The following BMPR1B variants were observed in gnomAD, a reference collection of about 807,000 sequenced individuals.
BMPR1B encodes bone morphogenetic protein receptor type-1B.
BMPR1B carries 12 observed loss-of-function variants against 59.1 expected under a neutral mutation model. That is an observed-to-expected ratio of 0.20 (90% CI 0.13 to 0.33). BMPR1B has a LOEUF of 0.33. BMPR1B is among the 10% of genes least tolerant of loss of function. The probability of loss-of-function intolerance (pLI) is 1.00; values close to 1 mark genes in which losing one functional copy is unlikely to be tolerated. For missense variants in BMPR1B, 550 were observed against 610.9 expected (o/e 0.90, Z 1.05); for synonymous variants, 237 against 207.3 (o/e 1.14, Z -1.23).
At chr4:94,965,927 CA>C (rs1730540857) in intron 2 of BMPR1B, among the ~76,000 whole-genome samples, 1 of 152,090 alleles carries the variant, frequency 6.6e-6, no homozygotes, top group Admixed American at 6.5e-5. Context: ...GACAAGGAAA[CA>C]TTGGAAAGCA....
chr4:94,988,559 T>C (rs538706218), intron 2 of BMPR1B, among the ~76,000 whole-genome samples: 1 of 152,352 alleles, frequency 6.6e-6, no homozygotes, highest in East Asian at 1.9e-4. Context: ...CATTCTTTGC[T>C]ATGGTTTCCG....
intron 1 of BMPR1B, among the ~76,000 whole-genome samples, chr4:94,864,958 A>G (rs1026318314): frequency 2.6e-5 from 4 of 152,262 alleles, no homozygotes; most frequent in African/African-American, 9.6e-5. Flanking sequence ...TAGAAATGAT[A>G]CACCTGAATG....
At position 94,970,141 on chromosome 4, in the gene BMPR1B, A is replaced by G. The variant is rs76640595; in HGVS notation, c.-112-25899A>G. Among the ~76,000 whole-genome samples, 1,494 of 152,320 alleles carry G rather than the reference A, an allele frequency of 9.8e-3. 12 individuals are homozygous for G. Among genetic ancestry groups the G allele is most frequent in the Non-Finnish European group, 0.015 (1,039 of 68,030 alleles). On this transcript the variant is annotated intron_variant, in intron 2 of 12. Coordinates refer to ENST00000515059, the MANE Select transcript of BMPR1B (RefSeq NM_001203.3). ...TGTTTAGTAGTTTACTCTGACAATAATTCAGCATCTTAAAGTGCTAGGATA... is the reference window on the plus strand; with the variant it reads ...TGTTTAGTAGTTTACTCTGACAATAGTTCAGCATCTTAAAGTGCTAGGATA...
At chr4:94,807,052 T>C (rs1251979222) in intron 1 of BMPR1B, among the ~76,000 whole-genome samples, 1 of 152,166 alleles carries the variant, frequency 6.6e-6, no homozygotes, top group African/African-American at 2.4e-5. Context: ...TAATCAGATT[T>C]GATATAAAAA....
At chr4:94,908,666 G>A (rs540878220) in intron 2 of BMPR1B, among the ~76,000 whole-genome samples, 4 of 151,570 alleles carry the variant, frequency 2.6e-5, no homozygotes, top group African/African-American at 4.9e-5. Flanking sequence ...TCAAATACTC[G>A]GTCATGAAGA....
intron 1 of BMPR1B, among the ~76,000 whole-genome samples, chr4:94,770,540 A>G (rs373978805): frequency 3.9e-5 from 6 of 152,194 alleles, no homozygotes; most frequent in African/African-American, 1.4e-4. Flanking sequence ...GAGATCTTGT[A>G]GGTTAGCCCA....
intron 2 of BMPR1B, among the ~76,000 whole-genome samples, chr4:94,949,323 T>A (rs1347990149): frequency 1.4e-3 from 55 of 40,674 alleles, no homozygotes; most frequent in South Asian, 5.1e-3. Context: ...TTTTTTTTTT[T>A]TTTTGAGACG....
intron 2 of BMPR1B, among the ~76,000 whole-genome samples, chr4:94,946,976 G>A (rs916252971): frequency 7.9e-5 from 12 of 152,002 alleles, no homozygotes; most frequent in South Asian, 2.1e-4. Context: ...CGCCTGAACC[G>A]GGGAGGCAGA....
chr4:95,009,239 T>C (rs917488439), intron 3 of BMPR1B, among the ~76,000 whole-genome samples: 1 of 152,172 alleles, frequency 6.6e-6, no homozygotes, highest in African/African-American at 2.4e-5. Context: ...CATAAACATA[T>C]TTTTCCGCAG....
chr4:95,109,946 T>C (rs1479481479), intron 4 of BMPR1B, among the ~76,000 whole-genome samples: 1 of 145,250 alleles, frequency 6.9e-6, no homozygotes, highest in Non-Finnish European at 1.5e-5. Context: ...CACCTATGAG[T>C]GAGAACATTC....
intron 10 of BMPR1B, among the ~76,000 whole-genome samples, chr4:95,134,455 A>G (rs1733619115): frequency 1.3e-5 from 2 of 152,268 alleles, no homozygotes; most frequent in Middle Eastern, 6.8e-3. Context: ...TGTCTTCCAC[A>G]ATGGTTGAAC....
intron 2 of BMPR1B, among the ~76,000 whole-genome samples, chr4:94,944,072 A>G: frequency 6.6e-6 from 1 of 152,270 alleles, no homozygotes; most frequent in Middle Eastern, 3.4e-3. Flanking sequence ...AAAATATTAT[A>G]TAAAATTACC....
At chr4:94,911,781 G>A (rs189734346) in intron 2 of BMPR1B, among the ~76,000 whole-genome samples, 33 of 152,182 alleles carry the variant, frequency 2.2e-4, no homozygotes, top group African/African-American at 7.5e-4. Context: ...TGTTAGTAAT[G>A]GTGGCTCCCC....
At chr4:94,807,171 T>C (rs937167669) in intron 1 of BMPR1B, among the ~76,000 whole-genome samples, 4 of 152,192 alleles carry the variant, frequency 2.6e-5, no homozygotes, top group Non-Finnish European at 4.4e-5. Context: ...CTCTGCTCAC[T>C]GCAATCTCTG....
At chr4:94,843,455 T>C (rs886975250) in intron 1 of BMPR1B, among the ~76,000 whole-genome samples, 12 of 152,198 alleles carry the variant, frequency 7.9e-5, no homozygotes, top group Non-Finnish European at 1.2e-4. Context: ...GTTTCTTCTG[T>C]CTTGGTTCCT....
intron 1 of BMPR1B, among the ~76,000 whole-genome samples, chr4:94,795,619 A>G (rs951793195): frequency 2.0e-5 from 3 of 152,092 alleles, no homozygotes; most frequent in Admixed American, 6.5e-5. Context: ...GTGTACCACC[A>G]CATCTGGCTA....
At chr4:94,824,355 CTTA>C (rs935242608) in intron 1 of BMPR1B, among the ~76,000 whole-genome samples, 3 of 152,152 alleles carry the variant, frequency 2.0e-5, no homozygotes, top group African/African-American at 7.2e-5. Context: ...TGTGGTAGCA[CTTA>C]TTATATGGTT....
intron 2 of BMPR1B, among the ~76,000 whole-genome samples, chr4:94,988,019 A>G (rs901232457): frequency 3.3e-5 from 5 of 152,138 alleles, no homozygotes; most frequent in African/African-American, 1.2e-4. Context: ...TCTAATTTCC[A>G]TTTGGAGTAA....
At chr4:95,075,959 AAGAAG>A (rs1560634771) in intron 3 of BMPR1B, among the ~76,000 whole-genome samples, 1 of 152,184 alleles carries the variant, frequency 6.6e-6, no homozygotes, top group African/African-American at 2.4e-5. Context: ...CAAAGAGAGA[AAGAAG>A]AGAAGACCCA....
Sources: allele counts gnomAD v4.1 joint callset (sites outside exome capture counted in the v4.1 genomes callset), GRCh38; gene constraint gnomAD v4.1.1; transcripts MANE v1.5; gene names NCBI Gene and HGNC (gene_info 2026-07-23, HGNC 2026-07-21).